Variants in CNTN6 observed in about 807,000 individuals in gnomAD.
The protein encoded by CNTN6 is contactin 6.
A neutral mutation model predicts 122.8 loss-of-function variants in CNTN6; 137 were observed. That is an observed-to-expected ratio of 1.12 (90% CI 0.97 to 1.29). The LOEUF (loss-of-function observed/expected upper bound fraction) is 1.29, where lower values mean the gene tolerates loss of function less well. Ranked by LOEUF, CNTN6 falls within the 50% of genes most tolerant of loss-of-function variation. The probability of loss-of-function intolerance (pLI) is 0.00; values close to 1 mark genes in which losing one functional copy is unlikely to be tolerated. For missense variants in CNTN6, 1,634 were observed against 1,223.4 expected (o/e 1.34, Z -5.01); for synonymous variants, 570 against 426.0 (o/e 1.34, Z -4.16).
At chr3:1,282,358 A>G (rs895202831) in intron 5 of CNTN6, among the ~76,000 whole-genome samples, 2 of 152,250 alleles carry the variant, frequency 1.3e-5, no homozygotes, top group African/African-American at 4.8e-5. Context: ...AGAAGGCATC[A>G]CAGTGCAAAA....
At chr3:1,290,667 G>A (rs1484703773) in intron 5 of CNTN6, among the ~76,000 whole-genome samples, 1 of 152,198 alleles carries the variant, frequency 6.6e-6, no homozygotes, top group Non-Finnish European at 1.5e-5. Flanking sequence ...AGACATAGCA[G>A]CCCTGAGGGC....
intron 5 of CNTN6, among the ~76,000 whole-genome samples, chr3:1,289,074 G>GA (rs1694844701): frequency 6.6e-6 from 1 of 152,210 alleles, no homozygotes; most frequent in Non-Finnish European, 1.5e-5. Context: ...AGATGGTGGA[G>GA]AAAATATTTA....
In CNTN6 at chr3:1,353,690, T is replaced by C. The variant is rs1169268151; in HGVS notation, c.1492+1239T>C. On this transcript the variant is annotated intron_variant, in intron 12 of 22. Coordinates refer to ENST00000446702, the MANE Select transcript of CNTN6 (RefSeq NM_001289080.2). ...TGTGAATGCTTTATATTTGGAAAAG[T>C]AACAAGTTCATTAACGGGAAAAAAA... 2.6e-5 allele frequency among the ~76,000 whole-genome samples: 4 copies of C among 151,658 alleles called. No individual in the cohort carries two copies. In the Admixed American group the frequency reaches 2.6e-4, roughly 10 times the overall value.
intron 12 of CNTN6, among the ~76,000 whole-genome samples, chr3:1,359,277 G>A (rs1707100908): frequency 6.6e-6 from 1 of 152,058 alleles, no homozygotes; most frequent in South Asian, 2.1e-4. Flanking sequence ...AGCATGTTCT[G>A]TTTAAATAGA....
chr3:1,312,557 G>A (rs1699503827), intron 7 of CNTN6, among the ~76,000 whole-genome samples: 1 of 150,792 alleles, frequency 6.6e-6, no homozygotes, highest in Admixed American at 6.6e-5. Context: ...AAATTTGGAG[G>A]CATCTCAATA....
intron 7 of CNTN6, among the ~76,000 whole-genome samples, chr3:1,317,694 C>G (rs1040356207): frequency 6.6e-6 from 1 of 151,582 alleles, no homozygotes; most frequent in African/African-American, 2.4e-5. Context: ...GCAAGCAGTC[C>G]TGGAACTGAA....
In CNTN6 at chr3:1,227,896, T is replaced by C. The variant is rs1240922728; in HGVS notation, c.261T>C (p.Asn87=). 5.0e-6 allele frequency: 8 copies of C among 1,613,934 alleles called. No homozygotes were observed. The highest frequency in any genetic ancestry group is 4.5e-5 in the East Asian group (2 of 44,882). Residue 87 remains asparagine, a synonymous_variant, in exon 4 of 23, where the codon AAT becomes AAC. Transcript: ENST00000446702. ...YRLDGGSLAI[N]SPHTDQDIGM... ...TGGATGGAGGCAGTCTTGCAATCAA[T>C]AGCCCCCACACAGATCAAGATATTG...
At chr3:1,226,176 A>G (rs1024681879) in intron 3 of CNTN6, among the ~76,000 whole-genome samples, 1 of 152,002 alleles carries the variant, frequency 6.6e-6, no homozygotes, top group African/African-American at 2.4e-5. Flanking sequence ...TCTGCACCCA[A>G]CCTCTTTGAA....
chr3:1,253,727 G>T (rs938682636), intron 4 of CNTN6, among the ~76,000 whole-genome samples: 3 of 152,054 alleles, frequency 2.0e-5, no homozygotes, highest in Admixed American at 2.0e-4. Context: ...ATCTAACACC[G>T]CTGTTGATCT....
intron 1 of CNTN6, among the ~76,000 whole-genome samples, chr3:1,142,952 AT>A (rs1264161686): frequency 1.5e-5 from 2 of 130,412 alleles, no homozygotes; most frequent in South Asian, 2.2e-4. Flanking sequence ...ATACATATAA[AT>A]TTGTGTGTGT....
At chr3:1,205,632 A>G (rs1338843049) in intron 2 of CNTN6, among the ~76,000 whole-genome samples, 1 of 152,220 alleles carries the variant, frequency 6.6e-6, no homozygotes, top group Non-Finnish European at 1.5e-5. Flanking sequence ...AACATGCTTT[A>G]TGATAGTTTT....
chr3:1,339,074 T>A, intron 11 of CNTN6, among the ~76,000 whole-genome samples: 1 of 152,062 alleles, frequency 6.6e-6, no homozygotes, highest in African/African-American at 2.4e-5. Flanking sequence ...CTTTTTTTTT[T>A]AAGCCACTGA....
rs1267226389 is a variant in CNTN6 at position 1,383,356 on chromosome 3, C to A, written c.2465C>A (p.Ser822Ter). The change falls in exon 19 of 23, where the codon TCA (serine) becomes TAA (stop). Residue 822 changes from serine to a stop codon, truncating the protein, a stop_gained. Transcript: ENST00000446702. LOFTEE classifies it high-confidence loss of function. ...QSFSASEMEV[S>*]WNAIAWNRNT... ...TTTTCTGCTTCTGAAATGGAGGTTT[C>A]ATGGAATGCTATTGCCTGGAATAGA... The A allele has an allele frequency of 6.2e-7, 1 of 1,613,874 alleles. No homozygotes were observed. Among genetic ancestry groups the A allele is most frequent in the Non-Finnish European group, 8.5e-7 (1 of 1,179,910 alleles).
chr3:1,132,597 C>A (rs1308651490), intron 1 of CNTN6, among the ~76,000 whole-genome samples: 1 of 151,502 alleles, frequency 6.6e-6, no homozygotes, highest in Non-Finnish European at 1.5e-5. Flanking sequence ...TTCAAGGTTG[C>A]AGTGAGCTGT....
chr3:1,400,292 C>G (rs1362358837), intron 20 of CNTN6, among the ~76,000 whole-genome samples: 1 of 152,002 alleles, frequency 6.6e-6, no homozygotes, highest in Non-Finnish European at 1.5e-5. Context: ...AGATAAGCAG[C>G]AAGTTGTTCT....
intron 7 of CNTN6, among the ~76,000 whole-genome samples, chr3:1,321,402 T>TCTTTTATTTTATTCACCA (rs1460428784): frequency 2.6e-5 from 4 of 151,744 alleles, no homozygotes; most frequent in Non-Finnish European, 5.9e-5. Context: ...AGAGGACATG[T>TCTTTTATTTTATTCACCA]CTATTTTATT....
chr3:1,388,289 C>G (rs531578032), intron 20 of CNTN6, among the ~76,000 whole-genome samples: 2 of 148,240 alleles, frequency 1.3e-5, no homozygotes, highest in African/African-American at 2.5e-5. Flanking sequence ...GAGGCACCCC[C>G]CAGCAGGGGC....
chr3:1,369,941 A>G (rs997382314), intron 12 of CNTN6, among the ~76,000 whole-genome samples: 10 of 151,718 alleles, frequency 6.6e-5, no homozygotes, highest in African/African-American at 2.4e-4. Context: ...ATTTTATTTC[A>G]GTCAATTAAA....
intron 7 of CNTN6, among the ~76,000 whole-genome samples, chr3:1,310,701 T>C (rs1405109297): frequency 6.6e-6 from 1 of 152,144 alleles, no homozygotes; most frequent in Non-Finnish European, 1.5e-5. Flanking sequence ...GAAATGTATG[T>C]ACATCAAGAA....
Sources: allele counts gnomAD v4.1 joint callset (sites outside exome capture counted in the v4.1 genomes callset), GRCh38; gene constraint gnomAD v4.1.1; transcripts MANE v1.5; gene names NCBI Gene and HGNC (gene_info 2026-07-23, HGNC 2026-07-21).